CNTN3: variants seen among roughly 807,000 people sequenced by gnomAD.
The protein encoded by CNTN3 is contactin 3, also known as contactin-3.
In CNTN3, 60 loss-of-function variants were observed where a neutral mutation model predicts 119.1. That is an observed-to-expected ratio of 0.50 (90% CI 0.41 to 0.62). CNTN3 has a LOEUF of 0.62. CNTN3 is among the 20% of genes least tolerant of loss of function. CNTN3 has a pLI of 0.00. For missense variants in CNTN3, 1,101 were observed against 1,242.4 expected (o/e 0.89, Z 1.71); for synonymous variants, 450 against 438.7 (o/e 1.03, Z -0.32).
intron 13 of CNTN3, among the ~76,000 whole-genome samples, chr3:74,308,234 A>C (rs1293029237): frequency 1.3e-5 from 2 of 152,224 alleles, no homozygotes; most frequent in Non-Finnish European, 2.9e-5. Context: ...TCATCCAAAA[A>C]GCAGAAAGAA....
chr3:74,566,297 C>T (rs749827156), intron 1 of CNTN3, among the ~76,000 whole-genome samples: 2 of 152,080 alleles, frequency 1.3e-5, no homozygotes, highest in Non-Finnish European at 2.9e-5. Context: ...CTGTTACCAC[C>T]CCCAGGCCAC....
At chr3:74,331,258 T>C (rs1010536844) in intron 13 of CNTN3, among the ~76,000 whole-genome samples, 5 of 152,190 alleles carry the variant, frequency 3.3e-5, no homozygotes, top group South Asian at 2.1e-4. Context: ...ACCATTTCAA[T>C]GTTTAGACAC....
intron 19 of CNTN3, among the ~76,000 whole-genome samples, chr3:74,291,518 C>T (rs924936846): frequency 4.6e-5 from 7 of 152,088 alleles, no homozygotes; most frequent in African/African-American, 1.4e-4. Flanking sequence ...GTCCCACCAA[C>T]AGTGTAAAAG....
chr3:74,400,828 T>C (rs1705171876), intron 5 of CNTN3, among the ~76,000 whole-genome samples: 1 of 152,160 alleles, frequency 6.6e-6, no homozygotes. Context: ...TGGGAAACAT[T>C]TGTAAGACTC....
intron 4 of CNTN3, among the ~76,000 whole-genome samples, chr3:74,447,030 T>C (rs1373021834): frequency 6.6e-6 from 1 of 152,212 alleles, no homozygotes; most frequent in Non-Finnish European, 1.5e-5. Context: ...AGATGTGTAT[T>C]CATCAGTCTC....
intron 13 of CNTN3, among the ~76,000 whole-genome samples, chr3:74,322,947 T>G (rs1220535442): frequency 2.0e-5 from 3 of 152,098 alleles, no homozygotes; most frequent in African/African-American, 7.2e-5. Context: ...AAGGCAAAAC[T>G]ATTGAGACAA....
At chr3:74,342,287 G>C (rs931389018) in intron 11 of CNTN3, among the ~76,000 whole-genome samples, 1 of 152,128 alleles carries the variant, frequency 6.6e-6, no homozygotes, top group Admixed American at 6.5e-5. Context: ...TTCTCCTTGA[G>C]TTCAAAGATA....
rs1460659701 is a variant in CNTN3 at position 74,425,614 on chromosome 3, AATAAAC to A, written c.359-680_359-675del. Among the ~76,000 whole-genome samples the A allele has an allele frequency of 2.0e-5, 3 of 152,312 alleles. No individual in the cohort carries two copies. The East Asian group carries it at 5.8e-4, about 29-fold the overall frequency. On this transcript the variant is annotated intron_variant, in intron 4 of 22. Transcript: ENST00000263665. ...AGGAAATGAAATATCCTAAATCAAA[AATAAAC>A]ATAAATATGACTTTCACATTCACCA...
chr3:74,440,324 ACT>A (rs540786345), intron 4 of CNTN3, among the ~76,000 whole-genome samples: 467 of 152,132 alleles, frequency 3.1e-3, no homozygotes, highest in African/African-American at 0.011. Context: ...AAGAGATCTC[ACT>A]CTCTTATACC....
At chr3:74,330,659 G>A (rs1203578887) in intron 13 of CNTN3, among the ~76,000 whole-genome samples, 1 of 152,074 alleles carries the variant, frequency 6.6e-6, no homozygotes, top group Non-Finnish European at 1.5e-5. Flanking sequence ...TCCTTCAGGA[G>A]GAATTCCAGA....
intron 4 of CNTN3, among the ~76,000 whole-genome samples, chr3:74,426,353 G>A (rs933070982): frequency 6.6e-6 from 1 of 152,150 alleles, no homozygotes; most frequent in East Asian, 1.9e-4. Flanking sequence ...CCTAAGTGGT[G>A]TCTATACACA....
chr3:74,323,305 TAATA>T (rs529000625), intron 13 of CNTN3, among the ~76,000 whole-genome samples: 618 of 152,278 alleles, frequency 4.1e-3, no homozygotes, highest in Admixed American at 7.5e-3. Flanking sequence ...AGCAACTGTG[TAATA>T]AATAAAGTTT....
rs534814926 is a variant in CNTN3, at chr3:74,384,960, G to A, written c.455-13561C>T. The stretch of plus-strand genomic sequence containing the variant: ...CATTAATTCAATTAGTTGATCTTCC[G>A]CTGGCATGTACTGAAGGGCCTTTCT... On this transcript the variant is annotated intron_variant, in intron 5 of 22. Coordinates refer to ENST00000263665, the MANE Select transcript of CNTN3 (RefSeq NM_020872.3). Among the ~76,000 whole-genome samples, 65 of 152,078 alleles carry A rather than the reference G, an allele frequency of 4.3e-4. 1 individual carries two copies. In the East Asian group the frequency reaches 9.8e-3, roughly 23 times the overall value.
intron 16 of CNTN3, 152 bp downstream of exon 16, chr3:74,301,246 T>C: frequency 1.3e-6 from 1 of 749,394 alleles, no homozygotes; most frequent in Non-Finnish European, 2.2e-6. Flanking sequence ...TTTTGACAAA[T>C]GCCATATGGC....
At chr3:74,389,054 T>C (rs1227044773) in intron 5 of CNTN3, among the ~76,000 whole-genome samples, 1 of 152,190 alleles carries the variant, frequency 6.6e-6, no homozygotes, top group Non-Finnish European at 1.5e-5. Context: ...TGTGTGCAAG[T>C]TACTGAGAGG....
intron 1 of CNTN3, among the ~76,000 whole-genome samples, chr3:74,581,675 AAAG>A (rs1180809202): frequency 6.6e-6 from 1 of 152,216 alleles, no homozygotes; most frequent in Non-Finnish European, 1.5e-5. Context: ...AAGAAATTTG[AAAG>A]AAGAACAAAT....
intron 1 of CNTN3, among the ~76,000 whole-genome samples, chr3:74,553,159 C>T (rs1300659719): frequency 6.7e-6 from 1 of 148,400 alleles, no homozygotes; most frequent in East Asian, 2.1e-4. Flanking sequence ...TTGTTCAACT[C>T]CCACTTATGA....
intron 1 of CNTN3, among the ~76,000 whole-genome samples, chr3:74,608,561 C>T (rs1336145328): frequency 6.6e-6 from 1 of 152,142 alleles, no homozygotes; most frequent in African/African-American, 2.4e-5. Context: ...ATGTTTGTCA[C>T]AGAATTTTCT....
intron 17 of CNTN3, 129 bp downstream of exon 17, chr3:74,299,730 CCAGCAGCAG>C (rs1702415172): frequency 1.7e-6 from 1 of 576,256 alleles, no homozygotes; most frequent in Middle Eastern, 3.2e-4. Flanking sequence ...TATATTACCA[CCAGCAGCAG>C]CAGCACCCAC....
Sources: allele counts gnomAD v4.1 joint callset (sites outside exome capture counted in the v4.1 genomes callset), GRCh38; gene constraint gnomAD v4.1.1; transcripts MANE v1.5; gene names NCBI Gene and HGNC (gene_info 2026-07-23, HGNC 2026-07-21).